The following MAST2 variants were observed in gnomAD, a reference collection of about 807,000 sequenced individuals.
The protein encoded by MAST2 is microtubule-associated serine/threonine-protein kinase 2.
A neutral mutation model predicts 147.4 loss-of-function variants in MAST2; 70 were observed. That is an observed-to-expected ratio of 0.47 (90% CI 0.39 to 0.58). MAST2 has a LOEUF of 0.58. Ranked by LOEUF, MAST2 falls within the 20% of genes least tolerant of loss-of-function variation. MAST2 has a pLI of 0.00. For synonymous variants in MAST2, 869 were observed against 896.8 expected (o/e 0.97, Z 0.55); for missense variants, 2,080 against 2,302.3 (o/e 0.90, Z 1.98).
intron 1 of MAST2, among the ~76,000 whole-genome samples, chr1:45,805,841 TG>T (rs1644126845): frequency 1.3e-5 from 2 of 152,232 alleles, no homozygotes; most frequent in Non-Finnish European, 2.9e-5. Flanking sequence ...ATAATTTCCC[TG>T]AATTGTGTAA....
chr1:45,913,474 T>G, intron 4 of MAST2: 1 of 507,492 alleles, frequency 2.0e-6, no homozygotes, highest in Non-Finnish European at 2.5e-6. Context: ...TGCAACTGAT[T>G]TGTGGGGGAG....
intron 21 of MAST2, 75 bp downstream of exon 21, chr1:46,030,313 C>A: frequency 1.4e-6 from 2 of 1,430,236 alleles, no homozygotes; most frequent in Non-Finnish European, 1.9e-6. Flanking sequence ...AAGGGCACAC[C>A]TGGGGCAGGC....
chr1:45,917,392 C>T, intron 4 of MAST2: 1 of 1,366,638 alleles, frequency 7.3e-7, no homozygotes, highest in Non-Finnish European at 9.8e-7. Context: ...TTTTCACCCA[C>T]ATCTGCTCCA....
chr1:45,835,925 A>T (rs1213780803), intron 3 of MAST2, among the ~76,000 whole-genome samples: 3 of 152,190 alleles, frequency 2.0e-5, no homozygotes, highest in East Asian at 1.9e-4. Flanking sequence ...GCATTATAGC[A>T]TGTATCAATA....
chr1:45,987,384 A>T lies in MAST2; in HGVS notation c.593-10340A>T, dbSNP rs759806456. ...GCTGGAGTAGGGTGGCACAAATATGACTCACTGAAGCTTCAACCTCCTGGG... is the reference window on the plus strand; with the variant it reads ...GCTGGAGTAGGGTGGCACAAATATGTCTCACTGAAGCTTCAACCTCCTGGG... On this transcript the variant is annotated intron_variant, in intron 5 of 28. Coordinates refer to ENST00000361297, the MANE Select transcript of MAST2 (RefSeq NM_015112.3). Among the ~76,000 whole-genome samples, 99 of 151,818 alleles carry T rather than the reference A, an allele frequency of 6.5e-4. 1 individual carries two copies. The highest frequency in any genetic ancestry group is 1.6e-3 in the Admixed American group (24 of 15,226).
intron 4 of MAST2, among the ~76,000 whole-genome samples, chr1:45,887,549 G>T (rs530817777): frequency 6.6e-6 from 1 of 152,310 alleles, no homozygotes; most frequent in South Asian, 2.1e-4. Context: ...ACTGCATAGT[G>T]GGCAGGGAGG....
At chr1:45,855,901 T>C (rs1452103702) in intron 3 of MAST2, among the ~76,000 whole-genome samples, 1 of 152,210 alleles carries the variant, frequency 6.6e-6, no homozygotes, top group South Asian at 2.1e-4. Context: ...TAGTGCTGAC[T>C]TCAGGAGCCT....
chr1:45,844,017 A>G (rs1453525895), intron 3 of MAST2, among the ~76,000 whole-genome samples: 1 of 152,202 alleles, frequency 6.6e-6, no homozygotes, highest in African/African-American at 2.4e-5. Flanking sequence ...TTTGTAAAGA[A>G]TTTAAGATAC....
At chr1:45,874,775 T>C (rs1279613071) in intron 3 of MAST2, among the ~76,000 whole-genome samples, 1 of 152,194 alleles carries the variant, frequency 6.6e-6, no homozygotes. Flanking sequence ...AGAAAACAGA[T>C]AATTTAGCAA....
intron 3 of MAST2, among the ~76,000 whole-genome samples, chr1:45,835,177 C>T (rs1468854474): frequency 1.3e-5 from 2 of 152,104 alleles, no homozygotes; most frequent in Non-Finnish European, 2.9e-5. Context: ...GTGTTACATA[C>T]ATCCTACCAA....
chr1:45,851,456 T>C (rs1645622143), intron 3 of MAST2, among the ~76,000 whole-genome samples: 1 of 152,220 alleles, frequency 6.6e-6, no homozygotes, highest in Non-Finnish European at 1.5e-5. Context: ...TGCCTTTTCT[T>C]TCTTTCCTTT....
At chr1:45,976,758 G>T (rs1644176124) in intron 5 of MAST2, among the ~76,000 whole-genome samples, 1 of 152,168 alleles carries the variant, frequency 6.6e-6, no homozygotes, top group East Asian at 1.9e-4. Context: ...TTGAAATAAA[G>T]AAAATATATG....
chr1:45,982,132 AGC>A (rs1364670462), intron 5 of MAST2, among the ~76,000 whole-genome samples: 1 of 152,192 alleles, frequency 6.6e-6, no homozygotes, highest in Non-Finnish European at 1.5e-5. Flanking sequence ...TAGAGGCGTG[AGC>A]CACCGCGCCC....
chr1:45,821,262 A>C (rs914034264), intron 1 of MAST2, among the ~76,000 whole-genome samples: 20 of 151,626 alleles, frequency 1.3e-4, no homozygotes, highest in African/African-American at 4.4e-4. Flanking sequence ...ATGTCATCCT[A>C]CTCACTTCTG....
At chr1:46,020,420 A>G (rs1461359713) in intron 11 of MAST2, among the ~76,000 whole-genome samples, 1 of 152,106 alleles carries the variant, frequency 6.6e-6, no homozygotes, top group Non-Finnish European at 1.5e-5. Context: ...AGGGTCATGG[A>G]GGGTGTCGGG....
intron 4 of MAST2, among the ~76,000 whole-genome samples, chr1:45,947,459 A>C (rs1658230831): frequency 6.6e-6 from 1 of 152,212 alleles, no homozygotes. Context: ...AAGCCCAGTG[A>C]GCTCTTAGTA....
intron 4 of MAST2, among the ~76,000 whole-genome samples, chr1:45,919,492 A>G (rs1386738256): frequency 2.6e-5 from 4 of 152,370 alleles, no homozygotes; most frequent in Admixed American, 2.6e-4. Context: ...TTTAAGTGAA[A>G]CACAATGTAT....
At chr1:45,916,933 C>T (rs545841671) in intron 4 of MAST2, among the ~76,000 whole-genome samples, 1 of 152,266 alleles carries the variant, frequency 6.6e-6, no homozygotes, top group South Asian at 2.1e-4. Context: ...ACAAAATTAG[C>T]TGGGTGTGGT....
At chr1:45,943,284 ATATT>A (rs923622582) in intron 4 of MAST2, among the ~76,000 whole-genome samples, 1 of 152,030 alleles carries the variant, frequency 6.6e-6, no homozygotes, top group African/African-American at 2.4e-5. Flanking sequence ...ACTAATTTGG[ATATT>A]TATTTATTTA....
Sources: allele counts gnomAD v4.1 joint callset (sites outside exome capture counted in the v4.1 genomes callset), GRCh38; gene constraint gnomAD v4.1.1; transcripts MANE v1.5; gene names NCBI Gene and HGNC (gene_info 2026-07-23, HGNC 2026-07-21).